The following ZBTB1 variants were observed in gnomAD, a reference collection of about 807,000 sequenced individuals.
ZBTB1 encodes the protein zinc finger and BTB domain containing 1, also known as zinc finger and BTB domain-containing protein 1.
ZBTB1 carries 13 observed loss-of-function variants against 51.6 expected under a neutral mutation model. That is an observed-to-expected ratio of 0.25 (90% CI 0.16 to 0.40). ZBTB1 has a LOEUF of 0.40. Ranked by LOEUF, ZBTB1 falls within the 10% of genes least tolerant of loss-of-function variation. The pLI is 1.00. For synonymous variants in ZBTB1, 240 were observed against 282.2 expected (o/e 0.85, Z 1.50); for missense variants, 567 against 856.5 (o/e 0.66, Z 4.22).
At chr14:64,526,443 G>C (rs1014144702), downstream of ZBTB1, among the ~76,000 whole-genome samples, 1 of 152,066 alleles carries the variant, frequency 6.6e-6, no homozygotes, top group Non-Finnish European at 1.5e-5. Context: ...TGTAACTTAG[G>C]TGTTCAGGTT....
chr14:64,532,850 T>C (rs1179547461), exon 3 of ZBTB1: 1 of 150,922 alleles, frequency 6.6e-6, no homozygotes, highest in African/African-American at 2.4e-5. Context: ...AAATGCTTTG[T>C]TTGATATATA....
At chr14:64,505,900 C>T (rs201157388) in intron 1 of ZBTB1, among the ~76,000 whole-genome samples, 1 of 152,162 alleles carries the variant, frequency 6.6e-6, no homozygotes, top group Non-Finnish European at 1.5e-5. Flanking sequence ...CTTTGACACT[C>T]GAACCCAAGG....
At position 64,524,857 on chromosome 14, in the gene ZBTB1, T is replaced by G. The variant is rs1007352257; in HGVS notation, c.*1211T>G. On this transcript the variant is annotated 3_prime_UTR_variant, in exon 2 of 2. Coordinates refer to ENST00000683701, the MANE Select transcript of ZBTB1 (RefSeq NM_001123329.2). ...CATTTTTTCAGTTAAAGTAGTAGTA[T>G]TGTTAGTTGTTGCTGACACAGGGTC... is the stretch of plus-strand genomic sequence containing the variant. The G allele has an allele frequency of 6.1e-6, 6 of 985,170 alleles. No individual in the cohort carries two copies. Among genetic ancestry groups the G allele is most frequent in the African/African-American group, 1.7e-5 (1 of 57,224 alleles). 61.0% of individuals were successfully genotyped at this position (985,170 alleles called of 1,614,324 possible).
chr14:64,507,782 G>C (rs1005078970), intron 1 of ZBTB1, among the ~76,000 whole-genome samples: 11 of 152,186 alleles, frequency 7.2e-5, no homozygotes, highest in African/African-American at 2.7e-4. Context: ...CCCAGCCTCT[G>C]ATGGATTGAT....
chr14:64,526,656 C>T (rs759750648), downstream of ZBTB1, among the ~76,000 whole-genome samples: 4 of 152,108 alleles, frequency 2.6e-5, no homozygotes, highest in Non-Finnish European at 5.9e-5. Flanking sequence ...GTAAACAGGA[C>T]TAAGAATCTC....
intron 1 of ZBTB1, 81 bp downstream of exon 1, chr14:64,505,027 G>C (rs1363944144): frequency 5.2e-6 from 2 of 383,040 alleles, no homozygotes; most frequent in African/African-American, 4.2e-5. Flanking sequence ...CTGGCGGAGT[G>C]CGGGGCCGGA....
At chr14:64,515,632 C>T (rs28446048) in intron 1 of ZBTB1, among the ~76,000 whole-genome samples, 26,262 of 151,610 alleles carry the variant, frequency 0.17, 2,611 homozygotes, top group Non-Finnish European at 0.22. Context: ...GCCATTCTCC[C>T]GCCTCAGCCT....
chr14:64,524,651 G>C lies in ZBTB1; in HGVS notation c.*1005G>C, dbSNP rs1305933752. On this transcript the variant is annotated 3_prime_UTR_variant, in exon 2 of 2. Coordinates refer to ENST00000683701, the MANE Select transcript of ZBTB1 (RefSeq NM_001123329.2). Reference sequence around the variant, plus strand: ...AATAAAGAGATCAATTATAAACCTGGTTGTTCTATAAAAGTAGAGTGCACA... The same window carrying C: ...AATAAAGAGATCAATTATAAACCTGCTTGTTCTATAAAAGTAGAGTGCACA... 1 of 984,020 alleles carries C rather than the reference G, an allele frequency of 1.0e-6. No individual in the cohort carries two copies. The highest frequency in any genetic ancestry group is 1.2e-6 in the Non-Finnish European group (1 of 828,912). The allele number at this position is 984,020 out of a possible 1,614,324, so 61.0% of individuals were successfully genotyped here. A position where few individuals can be genotyped will look rare whatever the true frequency, so the allele number is the denominator to read the frequency against.
chr14:64,530,434 C>T (rs765210522), intron 2 of ZBTB1, among the ~76,000 whole-genome samples: 2 of 152,040 alleles, frequency 1.3e-5, no homozygotes, highest in African/African-American at 2.4e-5. Flanking sequence ...CATGATGAAA[C>T]CTCTCTACTA....
intron 1 of ZBTB1, 48 bp downstream of exon 1, chr14:64,504,994 CCGGAGGGCGACGGGCCGCGGGCCTGG>C (rs2079619417): frequency 2.6e-6 from 1 of 391,488 alleles, no homozygotes; most frequent in Non-Finnish European, 4.5e-6. Flanking sequence ...TTGGCCCAGG[CCGGAGGGCGACGGGCCGCGGGCCTGG>C]CGGAGTGCGG....
At chr14:64,504,358 G>C (rs1406917159), upstream of ZBTB1, 1 of 142,192 alleles carries the variant, frequency 7.0e-6, no homozygotes, top group Non-Finnish European at 1.6e-5. Flanking sequence ...CAGCTGCTGG[G>C]CCCAACGGGC....
At chr14:64,519,503 C>T (rs539733112) in intron 1 of ZBTB1, among the ~76,000 whole-genome samples, 11 of 150,866 alleles carry the variant, frequency 7.3e-5, no homozygotes, top group East Asian at 3.9e-4. Flanking sequence ...GTGGCTCACA[C>T]CCACAATCCC....
downstream of ZBTB1, among the ~76,000 whole-genome samples, chr14:64,527,645 A>G (rs1470705808): frequency 6.7e-6 from 1 of 149,474 alleles, no homozygotes; most frequent in Non-Finnish European, 1.5e-5. Context: ...GGTGGCGCGC[A>G]CCTGTAATCC....
chr14:64,505,079 G>C (rs1159194805), intron 1 of ZBTB1, 133 bp downstream of exon 1: 3 of 362,098 alleles, frequency 8.3e-6, no homozygotes, highest in Non-Finnish European at 1.5e-5. Context: ...CGGCGGACGC[G>C]CTGCGAGGAC....
Position 64,524,939 on chromosome 14 carries a change from C to A in ZBTB1, c.*1293C>A. 1 of 984,866 alleles carries A rather than the reference C, an allele frequency of 1.0e-6. No individual in the cohort carries two copies. Among genetic ancestry groups the A allele is most frequent in the Non-Finnish European group, 1.2e-6 (1 of 829,658 alleles). 61.0% of individuals were successfully genotyped at this position (984,866 alleles called of 1,614,324 possible). On this transcript the variant is annotated 3_prime_UTR_variant, in exon 2 of 2. Transcript: ENST00000683701. Reference sequence around the variant, plus strand: ...AAAACTGACCCACCAATAAACACATCTATTGAATAGAATGCCTTTTAATGT... The same window carrying A: ...AAAACTGACCCACCAATAAACACATATATTGAATAGAATGCCTTTTAATGT...
In ZBTB1 at chr14:64,524,544, G is replaced by A; in HGVS notation, c.*898G>A. On this transcript the variant is annotated 3_prime_UTR_variant, in exon 2 of 2. Coordinates refer to ENST00000683701, the MANE Select transcript of ZBTB1 (RefSeq NM_001123329.2). ...GCTCTCTAAGAATATGACCTCTAAA[G>A]GAAAAGATGATTTTTTACAATACAT... The A allele has an allele frequency of 1.0e-6, 1 of 982,262 alleles. No homozygotes were observed. Among genetic ancestry groups the A allele is most frequent in the East Asian group, 1.1e-4 (1 of 8,806 alleles). The allele number at this position is 982,262 out of a possible 1,614,324, so 60.8% of individuals were successfully genotyped here.
At chr14:64,503,725 A>C, upstream of ZBTB1, 1 of 572,532 alleles carries the variant, frequency 1.7e-6, no homozygotes, top group Non-Finnish European at 2.2e-6. Flanking sequence ...CAAGCCGCGC[A>C]CTGCAAGCAG....
upstream of ZBTB1, chr14:64,503,967 A>T (rs952188689): frequency 2.0e-5 from 3 of 151,816 alleles, no homozygotes; most frequent in African/African-American, 2.4e-5. Flanking sequence ...CGCAGTTGTG[A>T]CTCTGTAGGC....
upstream of ZBTB1, chr14:64,504,673 C>T: frequency 2.8e-6 from 1 of 354,968 alleles, no homozygotes; most frequent in Admixed American, 4.7e-5. Flanking sequence ...CTGGCGGACG[C>T]CGCAGCGAAC....
Sources: allele counts gnomAD v4.1 joint callset (sites outside exome capture counted in the v4.1 genomes callset), GRCh38; gene constraint gnomAD v4.1.1; transcripts MANE v1.5; gene names NCBI Gene and HGNC (gene_info 2026-07-23, HGNC 2026-07-21).